CHD6: variants seen among roughly 807,000 people sequenced by gnomAD.
CHD6 encodes chromodomain helicase DNA binding protein 6.
Under a neutral mutation model 276.9 loss-of-function variants are expected in CHD6, and 50 were observed. The observed-to-expected ratio is 0.18, with a 90% CI of 0.14 to 0.23. The LOEUF (loss-of-function observed/expected upper bound fraction) is 0.23, where lower values mean the gene tolerates loss of function less well. Among genes scored for constraint, CHD6 ranks in the 10% least tolerant of loss-of-function variants. CHD6 has a pLI of 1.00. For synonymous variants in CHD6, 1,173 were observed against 1,229.3 expected (o/e 0.95, Z 0.96); for missense variants, 2,564 against 3,365.8 (o/e 0.76, Z 5.89).
intron 36 of CHD6, among the ~76,000 whole-genome samples, chr20:41,406,390 G>A (rs1415726533): frequency 6.6e-6 from 1 of 152,226 alleles, no homozygotes; most frequent in Non-Finnish European, 1.5e-5. Flanking sequence ...GGGTGATCTG[G>A]CATCTGCACT....
At chr20:41,503,536 C>T (rs758410553) in intron 5 of CHD6, among the ~76,000 whole-genome samples, 4 of 152,170 alleles carry the variant, frequency 2.6e-5, no homozygotes, top group African/African-American at 9.7e-5. Context: ...TATTGTACTA[C>T]TTAATACAAT....
chr20:41,453,591 A>T (rs984322112), intron 20 of CHD6, among the ~76,000 whole-genome samples: 1 of 151,906 alleles, frequency 6.6e-6, no homozygotes, highest in African/African-American at 2.4e-5. Flanking sequence ...CTACTCCTCC[A>T]CACAGCCCAG....
chr20:41,548,727 A>G (rs2045092409), intron 2 of CHD6, among the ~76,000 whole-genome samples: 2 of 152,010 alleles, frequency 1.3e-5, no homozygotes, highest in African/African-American at 4.8e-5. Flanking sequence ...ATGGGAGAAA[A>G]TTTTCGCAAC....
chr20:41,518,234 ACTGT>A (rs2044297905), intron 3 of CHD6, among the ~76,000 whole-genome samples: 1 of 152,178 alleles, frequency 6.6e-6, no homozygotes, highest in African/African-American at 2.4e-5. Context: ...ATATTAGAAC[ACTGT>A]CTGTATATGT....
chr20:41,530,860 T>C (rs6093494), intron 3 of CHD6, among the ~76,000 whole-genome samples: 39,907 of 152,144 alleles, frequency 0.26, 6,458 homozygotes, highest in East Asian at 0.49. Context: ...CTTGGACTTC[T>C]AAACCTCAAA....
intron 2 of CHD6, among the ~76,000 whole-genome samples, chr20:41,538,059 G>A (rs2044870134): frequency 6.6e-6 from 1 of 152,212 alleles, no homozygotes; most frequent in African/African-American, 2.4e-5. Flanking sequence ...CCATAAAAAG[G>A]AGTGAAGTGG....
chr20:41,414,859 C>T (rs770526042), intron 34 of CHD6: 14 of 1,200,510 alleles, frequency 1.2e-5, no homozygotes, highest in Middle Eastern at 3.4e-4. Flanking sequence ...GGAGAAAAGC[C>T]GCTGCACACT....
chr20:41,529,386 C>T (rs1568678262), intron 3 of CHD6, among the ~76,000 whole-genome samples: 1 of 152,046 alleles, frequency 6.6e-6, no homozygotes, highest in African/African-American at 2.4e-5. Flanking sequence ...ACATACAAGA[C>T]TGGGAATCAG....
At chr20:41,608,219 G>C (rs1028942533) in intron 1 of CHD6, among the ~76,000 whole-genome samples, 1 of 152,108 alleles carries the variant, frequency 6.6e-6, no homozygotes, top group Non-Finnish European at 1.5e-5. Context: ...GCATTTTACC[G>C]TGATAAAAGG....
intron 1 of CHD6, among the ~76,000 whole-genome samples, chr20:41,591,543 A>C (rs2045660933): frequency 6.6e-6 from 1 of 151,942 alleles, no homozygotes; most frequent in Non-Finnish European, 1.5e-5. Flanking sequence ...AATAAAAAAA[A>C]TTAGCTGGGC....
At chr20:41,456,013 G>T in intron 18 of CHD6, 34 bp from the exon 19 acceptor site, 1 of 1,473,814 alleles carries the variant, frequency 6.8e-7, no homozygotes, top group South Asian at 1.5e-5. Flanking sequence ...TCACAAAGTG[G>T]AAAATGTATA....
At chr20:41,446,443 TA>T (rs5841411) in intron 24 of CHD6, among the ~76,000 whole-genome samples, 57,132 of 152,000 alleles carry the variant, frequency 0.38, 13,631 homozygotes, top group African/African-American at 0.66. Context: ...TGAGTTTCTG[TA>T]ACGTGTTTGG....
chr20:41,460,750 G>A (rs941604733), intron 17 of CHD6, among the ~76,000 whole-genome samples: 3 of 152,252 alleles, frequency 2.0e-5, no homozygotes, highest in African/African-American at 7.2e-5. Context: ...CTCTGCTAGA[G>A]CAGTGCGGAA....
chr20:41,546,080 T>G (rs1341204632), intron 2 of CHD6, among the ~76,000 whole-genome samples: 1 of 152,182 alleles, frequency 6.6e-6, no homozygotes, highest in Non-Finnish European at 1.5e-5. Flanking sequence ...ATTGCTTTAG[T>G]TACTACTGAA....
intron 26 of CHD6, among the ~76,000 whole-genome samples, chr20:41,438,471 T>A (rs955243021): frequency 6.6e-6 from 1 of 152,018 alleles, no homozygotes; most frequent in Non-Finnish European, 1.5e-5. Context: ...GTGCCTGTAA[T>A]CCCAGCTACT....
At chr20:41,572,176 A>G (rs908869116) in intron 1 of CHD6, among the ~76,000 whole-genome samples, 7 of 152,306 alleles carry the variant, frequency 4.6e-5, no homozygotes, top group African/African-American at 1.7e-4. Flanking sequence ...TCCTTTACAG[A>G]GCACATGATG....
Position 41,415,470 on chromosome 20 carries a change from G to A in CHD6, c.6655C>T (p.Leu2219Phe). ...GGGGACCCCTCTGATGAGCAGGAGA[G>A]GTCCATAGCTGACTCCCCATGCCAG... ...NGWHGESAMDLSCSSEGSPGA... is the reference protein window; with the variant it reads ...NGWHGESAMDFSCSSEGSPGA... The change falls in exon 34 of 37, where the codon CTC becomes TTC. Residue 2219 changes from leucine to phenylalanine, a missense_variant. Leu to Phe is a conservative substitution (Grantham distance 22). Around this residue, in one of 7 missense-constraint regions of CHD6, gnomAD observed 1,024 missense variants for 1,047.9 expected, o/e 0.98. Transcript: ENST00000373233. 6.2e-7 allele frequency: 1 copy of A among 1,613,344 alleles called. No individual in the cohort carries two copies. Among genetic ancestry groups the A allele is most frequent in the Non-Finnish European group, 8.5e-7 (1 of 1,179,664 alleles).
At chr20:41,484,253 G>C in intron 15 of CHD6, 99 bp downstream of exon 15, 1 of 1,379,410 alleles carries the variant, frequency 7.2e-7, no homozygotes, top group South Asian at 1.3e-5. Flanking sequence ...GTACATCCTA[G>C]CATATAATGA....
At chr20:41,557,417 T>C (rs1018921799) in intron 1 of CHD6, among the ~76,000 whole-genome samples, 3 of 152,154 alleles carry the variant, frequency 2.0e-5, no homozygotes, top group African/African-American at 7.2e-5. Flanking sequence ...CTTTTCTTTT[T>C]TTTTTTAAAT....
Sources: gnomAD v4.1 joint callset for allele counts (sites outside exome capture counted in the v4.1 genomes callset) on GRCh38, gnomAD v4.1.1 for gene constraint, gnomAD v4.1.1 regional missense constraint, MANE v1.5 for transcripts, NCBI Gene and HGNC (gene_info 2026-07-23, HGNC 2026-07-21) for gene names.